Variants in GRIP1 observed in about 807,000 individuals in gnomAD.
GRIP1 encodes the protein glutamate receptor-interacting protein 1.
In GRIP1, 45 loss-of-function variants were observed where a neutral mutation model predicts 129.9. That is an observed-to-expected ratio of 0.35 (90% CI 0.27 to 0.44). The LOEUF is 0.44. Ranked by LOEUF, GRIP1 falls within the 20% of genes least tolerant of loss-of-function variation. GRIP1 has a pLI of 1.00. For missense variants in GRIP1, 1,196 were observed against 1,396.8 expected, an observed-to-expected ratio of 0.86 and a Z score of 2.29; for synonymous variants, 530 against 520.8, an observed-to-expected ratio of 1.02 and a Z score of -0.24.
At chr12:66,797,269 A>C (rs1181122240) in intron 1 of GRIP1, among the ~76,000 whole-genome samples, 1 of 152,182 alleles carries the variant, frequency 6.6e-6, no homozygotes, top group Non-Finnish European at 1.5e-5. Flanking sequence ...AAGGGCAAAG[A>C]ATGTTAAATG....
intron 1 of GRIP1, among the ~76,000 whole-genome samples, chr12:66,710,231 T>G (rs73327051): frequency 0.014 from 2,127 of 152,094 alleles, 60 homozygotes; most frequent in African/African-American, 0.049. Flanking sequence ...AATTACATCT[T>G]GAAAGAAGAG....
At chr12:66,369,278 CA>C (rs1158734925) in intron 23 of GRIP1, among the ~76,000 whole-genome samples, 11 of 151,916 alleles carry the variant, frequency 7.2e-5, no homozygotes, top group African/African-American at 2.4e-4. Flanking sequence ...CCAACCAGTC[CA>C]TCCACAGCCA....
At chr12:66,861,573 C>T (rs1385450683) in intron 1 of GRIP1, among the ~76,000 whole-genome samples, 3 of 152,150 alleles carry the variant, frequency 2.0e-5, no homozygotes, top group East Asian at 1.9e-4. Flanking sequence ...AGGCTGAATA[C>T]AGAAATCCCA....
chr12:66,643,941 A>G (rs1388236355), intron 1 of GRIP1, among the ~76,000 whole-genome samples: 2 of 152,196 alleles, frequency 1.3e-5, no homozygotes, highest in African/African-American at 2.4e-5. Flanking sequence ...CTGCTGATAA[A>G]GACATACCAG....
rs555078596 is a variant in GRIP1, at chr12:66,973,748, A to G, written c.58+95302T>C. Reference sequence around the variant, plus strand: ...TAGGTACCATATTGCCTTTACCAAGAGTACATATCAGGTACAAGTGCATCA... The same window carrying G: ...TAGGTACCATATTGCCTTTACCAAGGGTACATATCAGGTACAAGTGCATCA... On this transcript the variant is annotated intron_variant, in intron 1 of 1. Transcript: ENST00000643019. 3.9e-5 allele frequency among the ~76,000 whole-genome samples: 6 copies of G among 152,250 alleles called. 1 individual carries two copies. In the South Asian group the frequency reaches 1.2e-3, roughly 32 times the overall value.
chr12:66,813,397 G>A lies in GRIP1; in HGVS notation c.59-216470C>T, dbSNP rs2039141310. On this transcript the variant is annotated intron_variant, in intron 1 of 1. Transcript: ENST00000643019. ...TCCACTAGGCCCCACCTCCAACACTGGGGATCACATTTCAACATGAGGTTT... is the reference window on the plus strand; with the variant it reads ...TCCACTAGGCCCCACCTCCAACACTAGGGATCACATTTCAACATGAGGTTT... Among the ~76,000 whole-genome samples, 2 of 152,122 alleles carry A rather than the reference G, an allele frequency of 1.3e-5. 1 individual carries two copies. The highest frequency in any genetic ancestry group is 4.8e-5 in the African/African-American group (2 of 41,410).
intron 2 of GRIP1, among the ~76,000 whole-genome samples, chr12:66,569,376 C>T (rs997746444): frequency 2.6e-4 from 40 of 152,150 alleles, no homozygotes; most frequent in Non-Finnish European, 4.6e-4. Flanking sequence ...ACTGGGGAAG[C>T]TGAGGCAGGA....
intron 1 of GRIP1, among the ~76,000 whole-genome samples, chr12:66,839,769 G>A (rs1421406867): frequency 2.6e-5 from 4 of 152,154 alleles, no homozygotes; most frequent in African/African-American, 9.7e-5. Context: ...TGGGAGGGTG[G>A]ACAAAGAGTT....
In GRIP1 at chr12:66,737,796, G is replaced by A. The variant is rs145546599; in HGVS notation, c.-420+66257C>T. Among the ~76,000 whole-genome samples, 410 of 151,980 alleles carry A rather than the reference G, an allele frequency of 2.7e-3. 3 individuals are homozygous for A. The highest frequency in any genetic ancestry group is 9.3e-3 in the African/African-American group (384 of 41,444). Reference sequence around the variant, plus strand: ...CCACCAGGTGCCAGGTGTTATGTTCGACATCCAGGATACCACAAGGAATAA... The same window carrying A: ...CCACCAGGTGCCAGGTGTTATGTTCAACATCCAGGATACCACAAGGAATAA... On this transcript the variant is annotated intron_variant, in intron 1 of 4. Coordinates refer to the GRIP1 transcript ENST00000538373.
intron 1 of GRIP1, among the ~76,000 whole-genome samples, chr12:66,724,269 G>C (rs1028706360): frequency 1.3e-5 from 2 of 152,140 alleles, no homozygotes; most frequent in African/African-American, 4.8e-5. Context: ...CTACCTCTGA[G>C]ATACTTTCAT....
intron 1 of GRIP1, among the ~76,000 whole-genome samples, chr12:66,918,214 A>G (rs2041158140): frequency 6.6e-6 from 1 of 152,160 alleles, no homozygotes; most frequent in African/African-American, 2.4e-5. Flanking sequence ...CTGCAGGCTT[A>G]AGACCCAAGA....
intron 2 of GRIP1, among the ~76,000 whole-genome samples, chr12:66,567,225 G>C (rs542911190): frequency 1.3e-5 from 2 of 151,908 alleles, no homozygotes; most frequent in African/African-American, 4.8e-5. Flanking sequence ...TTAGGGTATC[G>C]ATTTTAGATC....
At chr12:66,666,086 T>A (rs1435479622) in intron 1 of GRIP1, among the ~76,000 whole-genome samples, 1 of 152,208 alleles carries the variant, frequency 6.6e-6, no homozygotes, top group African/African-American at 2.4e-5. Flanking sequence ...GGTATGTAAC[T>A]ATCTTTATAC....
chr12:66,512,742 A>T (rs1476634801), intron 7 of GRIP1, among the ~76,000 whole-genome samples: 1 of 152,046 alleles, frequency 6.6e-6, no homozygotes, highest in East Asian at 1.9e-4. Context: ...TTAAATTAAA[A>T]TATAATGCAA....
intron 9 of GRIP1, among the ~76,000 whole-genome samples, chr12:66,461,914 A>C (rs747897489): frequency 3.9e-5 from 6 of 152,190 alleles, no homozygotes; most frequent in Non-Finnish European, 8.8e-5. Context: ...TCTAATTTCA[A>C]GGAGTACAAA....
chr12:66,743,663 T>C (rs1475123817), intron 1 of GRIP1, among the ~76,000 whole-genome samples: 1 of 152,032 alleles, frequency 6.6e-6, no homozygotes, highest in Non-Finnish European at 1.5e-5. Context: ...TCTAGGATAC[T>C]GTGCAAATCC....
chr12:66,919,595 C>T (rs1387800787), intron 1 of GRIP1, among the ~76,000 whole-genome samples: 1 of 152,102 alleles, frequency 6.6e-6, no homozygotes, highest in African/African-American at 2.4e-5. Flanking sequence ...TGTCTGCTTC[C>T]TAATGACATA....
intron 1 of GRIP1, among the ~76,000 whole-genome samples, chr12:67,019,395 C>T (rs1271945674): frequency 6.6e-6 from 1 of 152,116 alleles, no homozygotes; most frequent in Non-Finnish European, 1.5e-5. Context: ...CTCAGCCCCA[C>T]GGCTGGCCCT....
intron 1 of GRIP1, among the ~76,000 whole-genome samples, chr12:66,881,365 T>C (rs1233274406): frequency 6.6e-6 from 1 of 152,188 alleles, no homozygotes; most frequent in Non-Finnish European, 1.5e-5. Context: ...CTGGAGAAGC[T>C]GAAGCTGCTA....
Sources: allele counts gnomAD v4.1 joint callset (sites outside exome capture counted in the v4.1 genomes callset), GRCh38; gene constraint gnomAD v4.1.1; transcripts MANE v1.5; gene names NCBI Gene and HGNC (gene_info 2026-07-23, HGNC 2026-07-21).